Variants in ADGB observed in about 807,000 individuals in gnomAD.
The protein encoded by ADGB is calpain-7-like protein.
ADGB carries 172 observed loss-of-function variants against 210.5 expected under a neutral mutation model. The ratio of observed to expected loss-of-function variants is 0.82; its 90% confidence interval spans 0.72 to 0.93. The LOEUF is 0.93. Ranked by LOEUF, ADGB falls within the 40% of genes least tolerant of loss-of-function variation. ADGB has a pLI of 0.00. For missense variants in ADGB, 2,025 were observed against 1,964.8 expected (o/e 1.03, Z -0.58); for synonymous variants, 658 against 662.7 (o/e 0.99, Z 0.11).
chr6:146,622,579 T>G (rs1780910722), intron 1 of ADGB, among the ~76,000 whole-genome samples: 1 of 152,128 alleles, frequency 6.6e-6, no homozygotes, highest in Non-Finnish European at 1.5e-5. Flanking sequence ...GTTAGAGTAT[T>G]TGATCAAATA....
intron 32 of ADGB, among the ~76,000 whole-genome samples, chr6:146,786,751 T>C (rs1562300826): frequency 6.6e-6 from 1 of 152,212 alleles, no homozygotes; most frequent in Non-Finnish European, 1.5e-5. Context: ...AATGTAATGC[T>C]AGGAAAACAA....
At chr6:146,663,157 TA>T (rs1366221445) in intron 5 of ADGB, among the ~76,000 whole-genome samples, 120 of 140,798 alleles carry the variant, frequency 8.5e-4, no homozygotes, top group Middle Eastern at 7.2e-3. Context: ...AAATATATAA[TA>T]TATATTTATT....
intron 32 of ADGB, 69 bp from the exon 33 acceptor site, chr6:146,788,320 C>G (rs1232069696): frequency 2.5e-5 from 34 of 1,362,210 alleles, no homozygotes; most frequent in Non-Finnish European, 3.5e-5. Flanking sequence ...CATCATCAAG[C>G]CCTGTTACTG....
chr6:146,769,116 A>G lies in ADGB; in HGVS notation c.3847A>G (p.Lys1283Glu). 1.3e-6 allele frequency: 2 copies of G among 1,520,486 alleles called. No individual in the cohort carries two copies. Among genetic ancestry groups the G allele is most frequent in the East Asian group, 2.5e-5 (1 of 40,746 alleles). The allele number at this position is 1,520,486 out of a possible 1,614,324, so 94.2% of individuals were successfully genotyped here. A position where few individuals can be genotyped will look rare whatever the true frequency, so the allele number is the denominator to read the frequency against. ...TFVQALKDLK[K>E]SNTKAYGERH... ...TGTTCAAGCACTGAAAGACTTAAAG[A>G]AAAGTAATACCAAAGGTATGTCACC... The change falls in exon 29 of 36, where the codon AAA becomes GAA. Residue 1283 changes from lysine to glutamate, a missense_variant. Lys to Glu is a moderately conservative substitution (Grantham distance 56). Coordinates refer to ENST00000397944, the MANE Select transcript of ADGB (RefSeq NM_024694.4).
intron 10 of ADGB, among the ~76,000 whole-genome samples, chr6:146,689,858 C>G (rs1172844145): frequency 6.6e-6 from 1 of 152,092 alleles, no homozygotes; most frequent in Admixed American, 6.6e-5. Context: ...GATCTTAGAA[C>G]ATCTATGAAA....
intron 33 of ADGB, among the ~76,000 whole-genome samples, chr6:146,794,237 C>T (rs1399612408): frequency 2.6e-5 from 4 of 152,094 alleles, no homozygotes; most frequent in Non-Finnish European, 5.9e-5. Flanking sequence ...GAAGAATATG[C>T]CTTGGCTGGG....
At chr6:146,741,958 C>A (rs1336041833) in intron 25 of ADGB, among the ~76,000 whole-genome samples, 2 of 152,128 alleles carry the variant, frequency 1.3e-5, no homozygotes, top group African/African-American at 4.8e-5. Context: ...GTCTTTAAAC[C>A]TCTTCATTTT....
intron 17 of ADGB, among the ~76,000 whole-genome samples, chr6:146,721,940 C>T (rs779625494): frequency 8.5e-5 from 13 of 152,072 alleles, no homozygotes; most frequent in Non-Finnish European, 1.6e-4. Context: ...ACCACCTACA[C>T]CACCTCCTCT....
In ADGB at chr6:146,726,216, G is replaced by A; in HGVS notation, c.2352+19G>A. On this transcript the variant is annotated intron_variant, in intron 19 of 35. Coordinates refer to ENST00000397944, the MANE Select transcript of ADGB (RefSeq NM_024694.4). The stretch of plus-strand genomic sequence containing the variant: ...TGAACCAGTAAGTATTTTTGCAACA[G>A]CAAGTTATTTATTTATTTATTTAGA... 4.8e-6 allele frequency: 7 copies of A among 1,460,962 alleles called. No individual in the cohort carries two copies. The highest frequency in any genetic ancestry group is 6.6e-6 in the Non-Finnish European group (7 of 1,065,722). The allele number at this position is 1,460,962 out of a possible 1,614,324, so 90.5% of individuals were successfully genotyped here. A position where few individuals can be genotyped will look rare whatever the true frequency, so the allele number is the denominator to read the frequency against.
In ADGB at chr6:146,752,519, T is replaced by C. The variant is rs1777338994; in HGVS notation, c.3366-11T>C. ...ATACTTGCTTATAATGTTAACTTTT[T>C]TTCTTTACAGGTATTCGGTTAAAGT... On this transcript the variant is annotated splice_polypyrimidine_tract_variant and intron_variant, in intron 26 of 35. Coordinates refer to ENST00000397944, the MANE Select transcript of ADGB (RefSeq NM_024694.4). The C allele has an allele frequency of 3.9e-6, 6 of 1,528,642 alleles. No homozygotes were observed. Among genetic ancestry groups the C allele is most frequent in the Non-Finnish European group, 5.3e-6 (6 of 1,136,762 alleles). 94.7% of individuals were successfully genotyped at this position (1,528,642 alleles called of 1,614,324 possible). A position where few individuals can be genotyped will look rare whatever the true frequency, so the allele number is the denominator to read the frequency against.
At chr6:146,718,964 T>C (rs1339425790) in intron 16 of ADGB, among the ~76,000 whole-genome samples, 2 of 152,188 alleles carry the variant, frequency 1.3e-5, no homozygotes, top group Non-Finnish European at 2.9e-5. Context: ...TGGGAATAGT[T>C]TAACCCAGAG....
At chr6:146,647,096 AACAAAAAAC>A (rs1775627296) in intron 3 of ADGB, among the ~76,000 whole-genome samples, 1 of 143,954 alleles carries the variant, frequency 6.9e-6, no homozygotes, top group Non-Finnish European at 1.5e-5. Flanking sequence ...CTCAAAAAAA[AACAAAAAAC>A]AAAAAACAAA....
intron 21 of ADGB, 36 bp from the exon 22 acceptor site, chr6:146,733,857 T>G: frequency 6.4e-7 from 1 of 1,550,698 alleles, no homozygotes; most frequent in South Asian, 1.2e-5. Context: ...GGATTAAATA[T>G]AACTTTCAGT....
intron 7 of ADGB, among the ~76,000 whole-genome samples, chr6:146,667,982 G>C (rs1048508027): frequency 3.9e-5 from 6 of 151,924 alleles, no homozygotes; most frequent in Non-Finnish European, 8.8e-5. Flanking sequence ...TCTTTCATGT[G>C]ATTCTAGATA....
chr6:146,750,087 C>T (rs1425056333), intron 26 of ADGB, among the ~76,000 whole-genome samples: 1 of 152,146 alleles, frequency 6.6e-6, no homozygotes, highest in South Asian at 2.1e-4. Context: ...TCTGCTTCCA[C>T]TCTTCTCAGG....
chr6:146,795,896 A>G (rs1778033545), intron 33 of ADGB, among the ~76,000 whole-genome samples: 1 of 152,114 alleles, frequency 6.6e-6, no homozygotes, highest in African/African-American at 2.4e-5. Context: ...CATATGCACC[A>G]TGGAAGTCAA....
chr6:146,682,041 G>A (rs905006059), intron 9 of ADGB, among the ~76,000 whole-genome samples: 2 of 152,088 alleles, frequency 1.3e-5, no homozygotes, highest in Admixed American at 1.3e-4. Context: ...TTAGCACAGA[G>A]TAGGCATTCA....
chr6:146,813,641 TTTAA>T (rs1778336211), intron 35 of ADGB, among the ~76,000 whole-genome samples: 1 of 152,246 alleles, frequency 6.6e-6, no homozygotes, highest in African/African-American at 2.4e-5. Flanking sequence ...CAAAAGTTTG[TTTAA>T]TTAATGAATC....
chr6:146,752,227 A>C (rs1777333691), intron 26 of ADGB, among the ~76,000 whole-genome samples: 1 of 152,060 alleles, frequency 6.6e-6, no homozygotes. Context: ...GAGCAGGTAC[A>C]TCACATGGCC....
Sources: allele counts gnomAD v4.1 joint callset (sites outside exome capture counted in the v4.1 genomes callset), GRCh38; gene constraint gnomAD v4.1.1; transcripts MANE v1.5; gene names NCBI Gene and HGNC (gene_info 2026-07-23, HGNC 2026-07-21).